Variants in MICU1 observed in about 807,000 individuals in gnomAD.
MICU1 encodes mitochondrial calcium uptake 1.
MICU1 carries 45 observed loss-of-function variants against 56.8 expected under a neutral mutation model. The ratio of observed to expected loss-of-function variants is 0.79; its 90% CI spans 0.62 to 1.02. MICU1 has a LOEUF of 1.02. Among genes scored for constraint, MICU1 ranks in the 50% least tolerant of loss-of-function variants. The probability of loss-of-function intolerance (pLI) is 0.00; values close to 1 mark genes in which losing one functional copy is unlikely to be tolerated. For synonymous variants in MICU1, 186 were observed against 195.1 expected, an observed-to-expected ratio of 0.95 and a Z score of 0.39; for missense variants, 504 against 587.1, an observed-to-expected ratio of 0.86 and a Z score of 1.46.
rs1321606958 is a variant in MICU1 at position 72,563,091 on chromosome 10, T to G, written c.162-28A>C. The G allele has an allele frequency of 2.0e-6, 3 of 1,474,280 alleles. No individual in the cohort carries two copies. In the Admixed American group the frequency reaches 7.6e-5, roughly 37 times the overall value. 91.3% of individuals were successfully genotyped at this position (1,474,280 alleles called of 1,614,324 possible). ...GGATATGCAAAAAAGAAATCTAGAT[T>G]AATCTTGAACGTCCATCATACTAGA... On this transcript the variant is annotated intron_variant, in intron 2 of 11. Coordinates refer to ENST00000361114, the MANE Select transcript of MICU1 (RefSeq NM_001195518.2).
chr10:72,582,704 C>T (rs1365930063), intron 1 of MICU1: 2 of 151,142 alleles, frequency 1.3e-5, no homozygotes, highest in Non-Finnish European at 2.9e-5. Flanking sequence ...CACTTGTGCC[C>T]AGGAGGTCAA....
At chr10:72,580,473 A>ATTT (rs1564945483) in intron 1 of MICU1, among the ~76,000 whole-genome samples, 64 of 150,116 alleles carry the variant, frequency 4.3e-4, no homozygotes, top group Non-Finnish European at 5.9e-4. Context: ...TTAATTAATT[A>ATTT]ATTTATTTAT....
At chr10:72,579,885 C>T (rs1840852404) in intron 1 of MICU1, among the ~76,000 whole-genome samples, 1 of 151,694 alleles carries the variant, frequency 6.6e-6, no homozygotes, top group South Asian at 2.1e-4. Flanking sequence ...TGTGTTTAGA[C>T]TTGGGTCCTA....
chr10:72,450,096 G>C (rs1175714819), intron 8 of MICU1, among the ~76,000 whole-genome samples: 2 of 152,144 alleles, frequency 1.3e-5, no homozygotes, highest in Non-Finnish European at 2.9e-5. Flanking sequence ...AAAGTTCTCA[G>C]GGAGTGTTTG....
Position 72,440,179 on chromosome 10 carries a change from A to G in MICU1, c.934-16808T>C, listed in dbSNP as rs190723974. 5.0e-4 allele frequency among the ~76,000 whole-genome samples: 76 copies of G among 152,360 alleles called. No homozygotes were observed. In the East Asian group the frequency reaches 0.014, roughly 29 times the overall value. ...ACAAGGCTACAGTAACCAAAGCAGC[A>G]TGGTACTGGTACCAAAACAGATATA... On this transcript the variant is annotated intron_variant, in intron 8 of 11. Coordinates refer to ENST00000361114, the MANE Select transcript of MICU1 (RefSeq NM_001195518.2).
intron 10 of MICU1, among the ~76,000 whole-genome samples, chr10:72,390,998 T>G (rs1416592355): frequency 6.6e-6 from 1 of 152,258 alleles, no homozygotes; most frequent in Non-Finnish European, 1.5e-5. Context: ...CAGCTGACAT[T>G]GACTAATCGT....
At chr10:72,576,082 T>C (rs1014877328) in intron 1 of MICU1, among the ~76,000 whole-genome samples, 1 of 151,726 alleles carries the variant, frequency 6.6e-6, no homozygotes, top group Non-Finnish European at 1.5e-5. Flanking sequence ...GGCATGGTGG[T>C]GGGAGCCTGT....
chr10:72,597,494 A>C (rs189257387), intron 1 of MICU1, among the ~76,000 whole-genome samples: 46 of 152,328 alleles, frequency 3.0e-4, no homozygotes, highest in African/African-American at 1.1e-3. Context: ...GCTTGAGATC[A>C]TAAGTGTTTT....
At chr10:72,556,095 C>T (rs917522857) in intron 3 of MICU1, among the ~76,000 whole-genome samples, 6 of 152,044 alleles carry the variant, frequency 3.9e-5, no homozygotes, top group African/African-American at 1.4e-4. Flanking sequence ...GTAAATGTAT[C>T]ATGTGGCCGG....
chr10:72,493,783 C>T (rs1011679087), intron 6 of MICU1, among the ~76,000 whole-genome samples: 1 of 151,942 alleles, frequency 6.6e-6, no homozygotes, highest in African/African-American at 2.4e-5. Context: ...ATTTTTTGAC[C>T]GTCAACATCA....
At chr10:72,476,271 C>A (rs1352612810) in intron 7 of MICU1, among the ~76,000 whole-genome samples, 1 of 148,180 alleles carries the variant, frequency 6.7e-6, no homozygotes, top group Non-Finnish European at 1.5e-5. Flanking sequence ...GCCTGTCATA[C>A]AGGCTGGGGT....
At chr10:72,383,650 C>A (rs1862793735) in intron 10 of MICU1, among the ~76,000 whole-genome samples, 1 of 152,112 alleles carries the variant, frequency 6.6e-6, no homozygotes, top group African/African-American at 2.4e-5. Flanking sequence ...TACCTTTTCC[C>A]CTTCTCTTTA....
At chr10:72,594,679 G>C (rs1199207029) in intron 1 of MICU1, among the ~76,000 whole-genome samples, 1 of 151,992 alleles carries the variant, frequency 6.6e-6, no homozygotes, top group South Asian at 2.1e-4. Context: ...TAGGAGGACT[G>C]CTTGAGGCCC....
intron 10 of MICU1, among the ~76,000 whole-genome samples, chr10:72,388,581 G>GA (rs1862967737): frequency 6.6e-6 from 1 of 151,822 alleles, no homozygotes; most frequent in East Asian, 1.9e-4. Flanking sequence ...AATTGTAGGG[G>GA]AAAAAAAGGT....
chr10:72,480,306 T>C (rs555725212), intron 6 of MICU1, among the ~76,000 whole-genome samples: 2 of 152,116 alleles, frequency 1.3e-5, no homozygotes, highest in Non-Finnish European at 2.9e-5. Flanking sequence ...AGAGAGCAAA[T>C]AGATGTAAAA....
intron 1 of MICU1, among the ~76,000 whole-genome samples, chr10:72,568,079 A>G (rs1191907890): frequency 2.0e-5 from 3 of 152,116 alleles, no homozygotes; most frequent in Non-Finnish European, 2.9e-5. Flanking sequence ...GGAGACTTCA[A>G]CCTAGGAGGG....
rs145407524 is a variant in MICU1, at chr10:72,621,910, CTTAT to C, written c.-2+4096_-2+4099del. ...ATATTGCAAAAGGAAACCAAGTTCT[CTTAT>C]TTATTTATTTATTTATTGAGCCAGA... On this transcript the variant is annotated intron_variant, in intron 1 of 11. Transcript: ENST00000361114. Among the ~76,000 whole-genome samples, 10 of 151,944 alleles carry C rather than the reference CTTAT, an allele frequency of 6.6e-5. No homozygotes were observed. In the East Asian group the frequency reaches 1.4e-3, roughly 21 times the overall value.
chr10:72,489,305 C>A lies in MICU1; in HGVS notation c.653-12049G>T, dbSNP rs1301437985. 4.3e-5 allele frequency among the ~76,000 whole-genome samples: 6 copies of A among 140,802 alleles called. No homozygotes were observed. The South Asian group carries it at 1.3e-3, about 31-fold the overall frequency. The allele number at this position is 140,802 out of a possible 152,430, so 92.4% of individuals were successfully genotyped here. ...CGAGACTCTGTCACACACACACACACACACACACACACACACACAAAAATA... is the reference window on the plus strand; with the variant it reads ...CGAGACTCTGTCACACACACACACAAACACACACACACACACACAAAAATA... On this transcript the variant is annotated intron_variant, in intron 6 of 11. Transcript: ENST00000361114.
intron 1 of MICU1, among the ~76,000 whole-genome samples, chr10:72,584,616 A>C (rs1428992072): frequency 2.6e-5 from 4 of 151,824 alleles, no homozygotes. Flanking sequence ...GCAGTGGTGC[A>C]ATGATGGCTC....
Sources: gnomAD v4.1 joint callset for allele counts (sites outside exome capture counted in the v4.1 genomes callset) on GRCh38, gnomAD v4.1.1 for gene constraint, MANE v1.5 for transcripts, NCBI Gene and HGNC (gene_info 2026-07-23, HGNC 2026-07-21) for gene names.